Variants in MLLT1 observed in about 807,000 individuals in gnomAD.
MLLT1 encodes MLLT1 super elongation complex subunit, also known as protein ENL.
Under a neutral mutation model 55.1 loss-of-function variants are expected in MLLT1, and 11 were observed. The observed-to-expected ratio is 0.20, with a 90% confidence interval of 0.13 to 0.33. MLLT1 has a LOEUF of 0.33. MLLT1 is among the 10% of genes least tolerant of loss of function. The pLI is 1.00. For missense variants in MLLT1, 536 were observed against 760.6 expected (o/e 0.70, Z 3.47); for synonymous variants, 323 against 320.1 (o/e 1.01, Z -0.10).
intron 3 of MLLT1, among the ~76,000 whole-genome samples, chr19:6,246,637 G>A (rs2091171249): frequency 6.6e-6 from 1 of 152,044 alleles, no homozygotes; most frequent in Admixed American, 6.5e-5. Flanking sequence ...GTGGGGAGGG[G>A]GACTGACTTC....
At chr19:6,253,417 C>T (rs1194817558) in intron 3 of MLLT1, among the ~76,000 whole-genome samples, 1 of 151,870 alleles carries the variant, frequency 6.6e-6, no homozygotes, top group African/African-American at 2.4e-5. Context: ...AGAACAAACA[C>T]CACTCCTGCT....
rs914716465 is a variant in MLLT1, at chr19:6,229,365, G to A, written c.420+1205C>T. 2.0e-5 allele frequency among the ~76,000 whole-genome samples: 3 copies of A among 151,926 alleles called. No homozygotes were observed. Among genetic ancestry groups the A allele is most frequent in the East Asian group, 3.9e-4 (2 of 5,170 alleles). On this transcript the variant is annotated intron_variant, in intron 4 of 11. Transcript: ENST00000252674. The surrounding 1 kb of genome is among the most constrained non-coding windows in gnomAD (Gnocchi z 5.2). ...CACTCAAGCTTCTACATGGACAGAC[G>A]CCTCCTTCTTCTTAGGAGAACGACG...
intron 3 of MLLT1, among the ~76,000 whole-genome samples, chr19:6,257,693 C>T (rs1014823918): frequency 6.6e-6 from 1 of 151,712 alleles, no homozygotes; most frequent in Non-Finnish European, 1.5e-5. Context: ...TCCAGCTACT[C>T]GGGAGGCTGA....
chr19:6,262,428 C>A lies in MLLT1; in HGVS notation c.194-118G>T. On this transcript the variant is annotated intron_variant, in intron 2 of 11. Coordinates refer to ENST00000252674, the MANE Select transcript of MLLT1 (RefSeq NM_005934.4). This position sits in a 1 kb window ranked among gnomAD's most constrained non-coding sequence, Gnocchi z 4.4. Reference sequence around the variant, plus strand: ...CTCCTCACAGGGGCTTGGCTGGCCTCTCGGGGGTGGCTTTTCAGGAGGTTA... The same window carrying A: ...CTCCTCACAGGGGCTTGGCTGGCCTATCGGGGGTGGCTTTTCAGGAGGTTA... The A allele has an allele frequency of 1.3e-6, 1 of 782,340 alleles. No homozygotes were observed. The highest frequency in any genetic ancestry group is 2.6e-5 in the East Asian group (1 of 38,424). 48.5% of individuals were successfully genotyped at this position (782,340 alleles called of 1,614,324 possible). A position where few individuals can be genotyped will look rare whatever the true frequency, so the allele number is the denominator to read the frequency against.
At chr19:6,265,821 A>G (rs1446046712) in intron 2 of MLLT1, among the ~76,000 whole-genome samples, 1 of 151,708 alleles carries the variant, frequency 6.6e-6, no homozygotes, top group Non-Finnish European at 1.5e-5. Flanking sequence ...TCTACTAAAA[A>G]TACAAAAATT....
chr19:6,278,866 T>C (rs2091441955), intron 1 of MLLT1, among the ~76,000 whole-genome samples: 1 of 151,848 alleles, frequency 6.6e-6, no homozygotes, highest in South Asian at 2.1e-4. Flanking sequence ...GGCCTGAAAC[T>C]AGAAGGGGGC....
Position 6,210,945 on chromosome 19 carries a change from C to T in MLLT1, c.*2097G>A, listed in dbSNP as rs967852822. 9.5e-5 allele frequency: 22 copies of T among 231,180 alleles called. No individual in the cohort carries two copies. The highest frequency in any genetic ancestry group is 1.3e-3 in the Middle Eastern group (1 of 794). 14.3% of individuals were successfully genotyped at this position (231,180 alleles called of 1,614,324 possible). On this transcript the variant is annotated 3_prime_UTR_variant, in exon 12 of 12. Coordinates refer to ENST00000252674, the MANE Select transcript of MLLT1 (RefSeq NM_005934.4). This position sits in a 1 kb window ranked among gnomAD's most constrained non-coding sequence, Gnocchi z 4.6. ...TAACTGAGAACTGGGTTGGTGCTTC[C>T]GGAGGCCTTGGAAACGGCAGGAAGG... is the stretch of plus-strand genomic sequence containing the variant.
At chr19:6,243,259 G>A (rs1457868466) in intron 3 of MLLT1, among the ~76,000 whole-genome samples, 1 of 152,100 alleles carries the variant, frequency 6.6e-6, no homozygotes, top group Non-Finnish European at 1.5e-5. Flanking sequence ...GGAAGGCTCG[G>A]GGAGGCCGGC....
At chr19:6,237,744 C>A (rs1568284115) in intron 3 of MLLT1, among the ~76,000 whole-genome samples, 2 of 140,066 alleles carry the variant, frequency 1.4e-5, no homozygotes, top group Admixed American at 1.5e-4. Context: ...GCCTGGGCGA[C>A]TAAGTGAGAC....
intron 3 of MLLT1, among the ~76,000 whole-genome samples, chr19:6,253,264 C>CAAAAAAAAA (rs71172800): frequency 1.6e-4 from 4 of 24,550 alleles, no homozygotes; most frequent in African/African-American, 4.2e-4. Flanking sequence ...GACCCCATCT[C>CAAAAAAAAA]AAAAAAAAAA....
At position 6,213,411 on chromosome 19, in the gene MLLT1, G is replaced by C. The variant is rs1217500706; in HGVS notation, c.1480-3C>G. On this transcript the variant is annotated splice_polypyrimidine_tract_variant and splice_region_variant and intron_variant, in intron 10 of 11. Coordinates refer to ENST00000252674, the MANE Select transcript of MLLT1 (RefSeq NM_005934.4). ...TCCACCAGCTCATCCGTGTAGGCCT[G>C]GGGAGGGGGGGCAGGTCTCAGCAGC... is the stretch of plus-strand genomic sequence containing the variant. 6.2e-7 allele frequency: 1 copy of C among 1,610,566 alleles called. No homozygotes were observed. The highest frequency in any genetic ancestry group is 8.5e-7 in the Non-Finnish European group (1 of 1,179,570).
rs2233191 is a variant in MLLT1, at chr19:6,222,717, G to A, written c.547-33C>T. 3.1e-3 allele frequency: 4,591 copies of A among 1,493,274 alleles called. 99 individuals are homozygous for A. In the African/African-American group the frequency reaches 0.045, roughly 15 times the overall value. The allele number at this position is 1,493,274 out of a possible 1,614,324, so 92.5% of individuals were successfully genotyped here. A position where few individuals can be genotyped will look rare whatever the true frequency, so the allele number is the denominator to read the frequency against. On this transcript the variant is annotated intron_variant, in intron 5 of 11. Coordinates refer to ENST00000252674, the MANE Select transcript of MLLT1 (RefSeq NM_005934.4). This position sits in a 1 kb window ranked among gnomAD's most constrained non-coding sequence, Gnocchi z 4.1. ...GCCAAGAGCAGGGAGGGCAAGGGGA[G>A]AGACAAGGTCACGTGGCATTGCGGG...
Position 6,270,623 on chromosome 19 carries a change from T to C in MLLT1, c.149A>G (p.Lys50Arg), listed in dbSNP as rs1021750283. The C allele has an allele frequency of 1.9e-6, 3 of 1,613,976 alleles. No individual in the cohort carries two copies. Among genetic ancestry groups the C allele is most frequent in the African/African-American group, 2.7e-5 (2 of 74,948 alleles). Residue 50 changes from lysine to arginine, a missense_variant, in exon 2 of 12, where the codon AAG becomes AGG. By Grantham distance (26) the Lys-to-Arg change is conservative. This residue lies in a region of MLLT1 where 62 missense variants were observed against 195.8 expected (regional missense o/e 0.32). Transcript: ENST00000252674. This position sits in a 1 kb window ranked among gnomAD's most constrained non-coding sequence, Gnocchi z 7.1. Reference sequence around the variant, plus strand: ...GCTGTCGTGCAGCCAGAAGACCACCTTCTCCACGAAGTGCTGGATGTCACA... The same window carrying C: ...GCTGTCGTGCAGCCAGAAGACCACCCTCTCCACGAAGTGCTGGATGTCACA... ...EQCDIQHFVE[K>R]VVFWLHDSFP...
chr19:6,216,384 T>C, intron 8 of MLLT1, 21 bp downstream of exon 8: 1 of 1,572,784 alleles, frequency 6.4e-7, no homozygotes. Context: ...CTCCGCCCCC[T>C]GGCTCCCACC....
At chr19:6,272,400 T>C (rs1352506920) in intron 1 of MLLT1, among the ~76,000 whole-genome samples, 1 of 152,024 alleles carries the variant, frequency 6.6e-6, no homozygotes, top group East Asian at 1.9e-4. Context: ...CCACCCTATC[T>C]CTCTTCATCT....
At chr19:6,214,514 C>G (rs963357683) in intron 8 of MLLT1, among the ~76,000 whole-genome samples, 1 of 152,156 alleles carries the variant, frequency 6.6e-6, no homozygotes, top group Non-Finnish European at 1.5e-5. Flanking sequence ...GTCACATCGG[C>G]CCCCCTGACC....
intron 2 of MLLT1, among the ~76,000 whole-genome samples, chr19:6,268,408 A>G (rs2091366795): frequency 6.6e-6 from 1 of 152,160 alleles, no homozygotes; most frequent in Non-Finnish European, 1.5e-5. Flanking sequence ...GAAGCAAATG[A>G]GCTGGTATTA....
intron 1 of MLLT1, among the ~76,000 whole-genome samples, chr19:6,279,443 TC>T (rs1285837540): frequency 6.6e-6 from 1 of 151,382 alleles, no homozygotes; most frequent in Non-Finnish European, 1.5e-5. Context: ...CGGGCTGGGG[TC>T]CCCAGGGGCG....
chr19:6,219,120 A>G lies in MLLT1; in HGVS notation c.1111-1079T>C, dbSNP rs1435921008. Among the ~76,000 whole-genome samples the G allele has an allele frequency of 6.6e-6, 1 of 151,940 alleles. No homozygotes were observed. The highest frequency in any genetic ancestry group is 1.5e-5 in the Non-Finnish European group (1 of 67,914). On this transcript the variant is annotated intron_variant, in intron 6 of 11. Coordinates refer to ENST00000252674, the MANE Select transcript of MLLT1 (RefSeq NM_005934.4). The surrounding 1 kb of genome is among the most constrained non-coding windows in gnomAD (Gnocchi z 4.5). ...GCCCCTCCCCTAGCATGTGGAGGAG[A>G]CAGCCTCCACCCTGCAGAAGGGTCC... is the stretch of plus-strand genomic sequence containing the variant.
Sources: allele counts gnomAD v4.1 joint callset (sites outside exome capture counted in the v4.1 genomes callset), GRCh38; gene constraint gnomAD v4.1.1; regional missense constraint gnomAD v4.1.1; non-coding constraint Gnocchi (gnomAD v3.1); transcripts MANE v1.5; gene names NCBI Gene and HGNC (gene_info 2026-07-23, HGNC 2026-07-21).